Variants in RNLS observed in about 807,000 individuals in gnomAD.
RNLS encodes renalase, FAD dependent amine oxidase, also known as renalase.
Under a neutral mutation model 39.8 loss-of-function variants are expected in RNLS, and 39 were observed. The ratio of observed to expected loss-of-function variants is 0.98; its 90% CI spans 0.76 to 1.28. The LOEUF (loss-of-function observed/expected upper bound fraction) is 1.28, where lower values mean the gene tolerates loss of function less well. Ranked by LOEUF, RNLS falls within the 50% of genes most tolerant of loss-of-function variation. The pLI is 0.00. For missense variants in RNLS, 410 were observed against 413.3 expected (o/e 0.99, Z 0.07); for synonymous variants, 147 against 150.7 (o/e 0.98, Z 0.18).
chr10:88,423,827 T>C (rs1168922482), intron 4 of RNLS, among the ~76,000 whole-genome samples: 3 of 152,182 alleles, frequency 2.0e-5, no homozygotes, highest in Non-Finnish European at 4.4e-5. Context: ...ACAGCAGGTA[T>C]GGACCCTTCC....
At chr10:88,399,677 C>T (rs549731607) in intron 4 of RNLS, among the ~76,000 whole-genome samples, 3 of 152,082 alleles carry the variant, frequency 2.0e-5, no homozygotes, top group Non-Finnish European at 2.9e-5. Context: ...TGAAAATATT[C>T]TAGAATTATA....
In RNLS at chr10:88,363,140, T is replaced by G. The variant is rs139270691; in HGVS notation, c.527-415A>C. Among the ~76,000 whole-genome samples, 35 of 152,272 alleles carry G rather than the reference T, an allele frequency of 2.3e-4. No individual in the cohort carries two copies. The East Asian group carries it at 5.0e-3, about 22-fold the overall frequency. On this transcript the variant is annotated intron_variant, in intron 4 of 6. Coordinates refer to ENST00000331772, the MANE Select transcript of RNLS (RefSeq NM_001031709.3). ...AACAACAGTTTTGAAAGGTAGAGTATTATTTCCAAGTTACAGATGAGGAGG... is the reference window on the plus strand; with the variant it reads ...AACAACAGTTTTGAAAGGTAGAGTAGTATTTCCAAGTTACAGATGAGGAGG...
At chr10:88,524,990 TATATATATAC>T (rs1327915571) in intron 4 of RNLS, among the ~76,000 whole-genome samples, 1,480 of 133,796 alleles carry the variant, frequency 0.011, 31 homozygotes, top group Non-Finnish European at 0.017. Context: ...TATATATATA[TATATATATAC>T]ACACACACAC....
In RNLS at chr10:88,517,287, T is replaced by C. The variant is rs563638603; in HGVS notation, c.526+55616A>G. 4.6e-5 allele frequency among the ~76,000 whole-genome samples: 7 copies of C among 152,062 alleles called. 1 individual carries two copies. In the South Asian group the frequency reaches 1.4e-3, roughly 31 times the overall value. Reference sequence around the variant, plus strand: ...ACATAATAAGGAAAGAATAAATGTATCAACTTTTCATTTTTTACCACATAC... The same window carrying C: ...ACATAATAAGGAAAGAATAAATGTACCAACTTTTCATTTTTTACCACATAC... On this transcript the variant is annotated intron_variant, in intron 4 of 6. Transcript: ENST00000331772.
chr10:88,234,977 A>T, the RNLS span, among the ~76,000 whole-genome samples: 1 of 152,190 alleles, frequency 6.6e-6, no homozygotes, highest in African/African-American at 2.4e-5. Context: ...AATCCCTAAC[A>T]TGGGCCGGGC....
At chr10:88,256,066 C>T in the RNLS span, among the ~76,000 whole-genome samples, 1 of 152,146 alleles carries the variant, frequency 6.6e-6, no homozygotes, top group Admixed American at 6.5e-5. Context: ...ACAAAACCAG[C>T]CCGTGGGGAA....
At chr10:88,544,311 A>G (rs1046224749) in intron 4 of RNLS, among the ~76,000 whole-genome samples, 2 of 152,168 alleles carry the variant, frequency 1.3e-5, no homozygotes, top group African/African-American at 4.8e-5. Flanking sequence ...AGGAATGATA[A>G]ACATCTGCAT....
chr10:88,473,358 G>C (rs747720930), intron 4 of RNLS, among the ~76,000 whole-genome samples: 1 of 152,086 alleles, frequency 6.6e-6, no homozygotes, highest in Non-Finnish European at 1.5e-5. Context: ...TGTCTTGCAT[G>C]ATATGTGTTT....
the RNLS span, among the ~76,000 whole-genome samples, chr10:88,199,234 C>T: frequency 6.6e-5 from 10 of 152,140 alleles, no homozygotes; most frequent in African/African-American, 1.4e-4. Context: ...CACTGCTGTG[C>T]GGTGGAAACA....
intron 4 of RNLS, among the ~76,000 whole-genome samples, chr10:88,497,462 G>C (rs1845233068): frequency 6.6e-6 from 1 of 151,862 alleles, no homozygotes; most frequent in Non-Finnish European, 1.5e-5. Flanking sequence ...GCTTGATGAA[G>C]GTGATTTGCA....
chr10:88,426,582 A>G (rs1369514267), intron 4 of RNLS, among the ~76,000 whole-genome samples: 1 of 152,072 alleles, frequency 6.6e-6, no homozygotes, highest in Non-Finnish European at 1.5e-5. Flanking sequence ...AATTGCTAGC[A>G]TTTAATCATA....
intron 4 of RNLS, among the ~76,000 whole-genome samples, chr10:88,538,388 CAACA>C (rs1192902662): frequency 6.6e-6 from 1 of 152,106 alleles, no homozygotes; most frequent in Non-Finnish European, 1.5e-5. Context: ...TCAAAAAATA[CAACA>C]AACAATGTGA....
chr10:88,309,559 G>A lies in RNLS; in HGVS notation c.876+4907C>T, dbSNP rs912563142. The A allele has an allele frequency of 1.3e-5, 11 of 834,396 alleles. No homozygotes were observed. The South Asian group carries it at 1.5e-4, about 12-fold the overall frequency. The allele number at this position is 834,396 out of a possible 1,614,324, so 51.7% of individuals were successfully genotyped here. On this transcript the variant is annotated intron_variant, in intron 6 of 6. Coordinates refer to ENST00000331772, the MANE Select transcript of RNLS (RefSeq NM_001031709.3). ...CTTTTAACTCCTAGCAGTACTATGG[G>A]TAACTGAGGTAATCAGCTGGAAAAG...
At chr10:88,471,678 C>A (rs759186682) in intron 4 of RNLS, among the ~76,000 whole-genome samples, 2 of 152,020 alleles carry the variant, frequency 1.3e-5, no homozygotes, top group African/African-American at 4.8e-5. Context: ...AGTGAAAGGA[C>A]GCAGATTAAA....
intron 4 of RNLS, among the ~76,000 whole-genome samples, chr10:88,387,203 G>A (rs1851914169): frequency 6.6e-6 from 1 of 152,176 alleles, no homozygotes; most frequent in Non-Finnish European, 1.5e-5. Context: ...ACCCAGAAGA[G>A]GGGAGGAGTG....
chr10:88,454,758 G>A (rs1202144685), intron 4 of RNLS, among the ~76,000 whole-genome samples: 1 of 152,202 alleles, frequency 6.6e-6, no homozygotes, highest in Non-Finnish European at 1.5e-5. Flanking sequence ...GCAAGAAGTA[G>A]AACTTGTTCC....
At chr10:88,254,391 T>C in the RNLS span, among the ~76,000 whole-genome samples, 2 of 152,250 alleles carry the variant, frequency 1.3e-5, no homozygotes, top group East Asian at 3.8e-4. Flanking sequence ...TGTTGGTTTC[T>C]TTTTGGGTAG....
At chr10:88,266,734 CA>C in the RNLS span, among the ~76,000 whole-genome samples, 75 of 146,648 alleles carry the variant, frequency 5.1e-4, no homozygotes, top group Middle Eastern at 3.5e-3. Context: ...CACACACACA[CA>C]CCCCACACAC....
At chr10:88,172,443 T>C in the RNLS span, among the ~76,000 whole-genome samples, 1 of 152,220 alleles carries the variant, frequency 6.6e-6, no homozygotes, top group South Asian at 2.1e-4. Flanking sequence ...TTAAGCATTT[T>C]TTTCATATAC....
Sources: allele counts gnomAD v4.1 joint callset (sites outside exome capture counted in the v4.1 genomes callset), GRCh38; gene constraint gnomAD v4.1.1; transcripts MANE v1.5; gene names NCBI Gene and HGNC (gene_info 2026-07-23, HGNC 2026-07-21).